The following ZNF438 variants were observed in gnomAD, a reference collection of about 807,000 sequenced individuals.
ZNF438 encodes zinc finger protein 438.
In ZNF438, 25 loss-of-function variants were observed where a neutral mutation model predicts 38.0. The ratio of observed to expected loss-of-function variants is 0.66; its 90% CI spans 0.48 to 0.92. The LOEUF is 0.92. Ranked by LOEUF, ZNF438 falls within the 40% of genes least tolerant of loss-of-function variation. The pLI, the probability that ZNF438 is intolerant of heterozygous loss-of-function variation, is 0.00. For synonymous variants in ZNF438, 372 were observed against 364.1 expected, an observed-to-expected ratio of 1.02 and a Z score of -0.25; for missense variants, 1,007 against 999.6, an observed-to-expected ratio of 1.01 and a Z score of -0.10.
intron 4 of ZNF438, among the ~76,000 whole-genome samples, chr10:30,856,270 G>A (rs776282077): frequency 2.6e-5 from 4 of 152,286 alleles, no homozygotes; most frequent in Middle Eastern, 6.8e-3. Context: ...TACCTCCCAA[G>A]GACAAGTGGA....
chr10:30,977,349 A>G (rs1345180874), intron 1 of ZNF438, among the ~76,000 whole-genome samples: 2 of 152,218 alleles, frequency 1.3e-5, no homozygotes, highest in Non-Finnish European at 1.5e-5. Context: ...TGAGAAAGAA[A>G]TTCTTCTTTT....
chr10:30,863,695 T>C (rs1306834481), intron 4 of ZNF438, among the ~76,000 whole-genome samples: 1 of 152,244 alleles, frequency 6.6e-6, no homozygotes, highest in Non-Finnish European at 1.5e-5. Context: ...CCCGAGGCTA[T>C]GTGTGCCTGT....
rs1200983857 is a variant in ZNF438, at chr10:30,948,897, G to A, written c.-191-7246C>T. On this transcript the variant is annotated intron_variant, in intron 1 of 5. Transcript: ENST00000413025. The stretch of plus-strand genomic sequence containing the variant: ...AACGTTCAGATTCAGGAAATACAGA[G>A]AACGCCACAAAGATACTCCTCAAGA... Among the ~76,000 whole-genome samples, 830 of 151,778 alleles carry A rather than the reference G, an allele frequency of 5.5e-3. 12 individuals are homozygous for A. Among genetic ancestry groups the A allele is most frequent in the African/African-American group, 0.019 (797 of 41,364 alleles).
chr10:30,848,845 C>A, exon 5 of ZNF438: 1 of 1,614,218 alleles, frequency 6.2e-7, no homozygotes, highest in Non-Finnish European at 8.5e-7. Context: ...CTCGAAGGTG[C>A]TGTTTGAACT....
chr10:30,914,844 A>C (rs2134682170), intron 2 of ZNF438, among the ~76,000 whole-genome samples: 1 of 152,192 alleles, frequency 6.6e-6, no homozygotes, highest in African/African-American at 2.4e-5. Flanking sequence ...AATATTTTTA[A>C]AAAGTAGATC....
At chr10:31,007,657 C>T (rs566849558) in intron 1 of ZNF438, among the ~76,000 whole-genome samples, 29 of 152,256 alleles carry the variant, frequency 1.9e-4, no homozygotes, top group Admixed American at 1.6e-3. Context: ...GTAAAATGAA[C>T]TGTCTTCATA....
At chr10:30,988,652 A>C (rs1342230232) in intron 1 of ZNF438, among the ~76,000 whole-genome samples, 1 of 152,184 alleles carries the variant, frequency 6.6e-6, no homozygotes, top group Non-Finnish European at 1.5e-5. Context: ...TAATGAATAT[A>C]GCTATATGTT....
chr10:30,853,074 T>G (rs1588768616), intron 4 of ZNF438, among the ~76,000 whole-genome samples: 1 of 152,314 alleles, frequency 6.6e-6, no homozygotes, highest in East Asian at 1.9e-4. Context: ...TTTTGGTTAC[T>G]TAGAGATGTG....
chr10:30,857,112 T>C (rs1248983620), intron 4 of ZNF438, among the ~76,000 whole-genome samples: 2 of 152,212 alleles, frequency 1.3e-5, no homozygotes, highest in Non-Finnish European at 2.9e-5. Flanking sequence ...TTTGAAGCAA[T>C]GACCTTTTTC....
chr10:30,982,561 C>T (rs2052334598), intron 1 of ZNF438, among the ~76,000 whole-genome samples: 1 of 152,134 alleles, frequency 6.6e-6, no homozygotes, highest in Admixed American at 6.5e-5. Context: ...CCAAGCCGGA[C>T]AATTATTCTG....
intron 2 of ZNF438, among the ~76,000 whole-genome samples, chr10:30,936,825 G>GA (rs2135422644): frequency 6.6e-6 from 1 of 152,242 alleles, no homozygotes; most frequent in African/African-American, 2.4e-5. Context: ...TTATGATGTT[G>GA]AGCTTTTTTT....
At chr10:30,947,515 G>A (rs917112257) in intron 1 of ZNF438, among the ~76,000 whole-genome samples, 2 of 152,270 alleles carry the variant, frequency 1.3e-5, no homozygotes, top group Non-Finnish European at 2.9e-5. Flanking sequence ...GGAGCCTACA[G>A]AGGGAGGCAG....
chr10:30,915,583 T>G lies in ZNF438; in HGVS notation c.-114-6568A>C, dbSNP rs568419861. ...AAGCCACAGTGTCCAACCTTAATTT[T>G]CTCGGCAAGTTAATTTAATGAAAAA... On this transcript the variant is annotated intron_variant, in intron 2 of 5. Coordinates refer to ENST00000413025, the Ensembl canonical transcript of ZNF438. 3.9e-5 allele frequency among the ~76,000 whole-genome samples: 6 copies of G among 152,170 alleles called. 1 individual carries two copies. Among genetic ancestry groups the G allele is most frequent in the African/African-American group, 1.4e-4 (6 of 41,554 alleles).
chr10:30,958,989 T>A (rs1316934161), intron 1 of ZNF438, among the ~76,000 whole-genome samples: 2 of 147,462 alleles, frequency 1.4e-5, no homozygotes, highest in Non-Finnish European at 3.1e-5. Context: ...TTTTCTTGTT[T>A]TTATTAATAT....
At position 30,876,886 on chromosome 10, in the gene ZNF438, A is replaced by G; in HGVS notation, c.37+112T>C. 7.0e-6 allele frequency: 5 copies of G among 711,040 alleles called. No homozygotes were observed. In the South Asian group the frequency reaches 2.0e-4, roughly 28 times the overall value. The allele number at this position is 711,040 out of a possible 1,614,324, so 44.0% of individuals were successfully genotyped here. A position where few individuals can be genotyped will look rare whatever the true frequency, so the allele number is the denominator to read the frequency against. ...GTTTTCATATATAATTATAATTTTT[A>G]TTTTTAATTCTAGGAAATAAGTTAC... On this transcript the variant is annotated intron_variant, in intron 4 of 5. Coordinates refer to ENST00000413025, the Ensembl canonical transcript of ZNF438.
At chr10:30,849,028 C>G (rs1173937860) in exon 5 of ZNF438, 1 of 1,614,016 alleles carries the variant, frequency 6.2e-7, no homozygotes, top group Non-Finnish European at 8.5e-7. Context: ...CCCCAAGCAT[C>G]TGGGACTGTA....
At chr10:30,864,483 G>A (rs772258630) in intron 4 of ZNF438, among the ~76,000 whole-genome samples, 86 of 152,238 alleles carry the variant, frequency 5.6e-4, no homozygotes, top group Non-Finnish European at 1.2e-3. Context: ...ACTGTCCTTC[G>A]AGGTACTTAC....
At chr10:30,908,336 T>C (rs1051071165) in intron 3 of ZNF438, among the ~76,000 whole-genome samples, 10 of 152,320 alleles carry the variant, frequency 6.6e-5, no homozygotes, top group African/African-American at 2.2e-4. Flanking sequence ...TGAATGTGTG[T>C]TCTGTTCTTT....
At chr10:31,001,846 T>G (rs2054690543) in intron 1 of ZNF438, among the ~76,000 whole-genome samples, 1 of 152,148 alleles carries the variant, frequency 6.6e-6, no homozygotes, top group Non-Finnish European at 1.5e-5. Flanking sequence ...GCCTGACCAG[T>G]CCCAACCTCA....
Sources: gnomAD v4.1 joint callset for allele counts (sites outside exome capture counted in the v4.1 genomes callset) on GRCh38, gnomAD v4.1.1 for gene constraint, MANE v1.5 for transcripts, NCBI Gene and HGNC (gene_info 2026-07-23, HGNC 2026-07-21) for gene names.